Variants in FREM3 observed in about 807,000 individuals in gnomAD.
FREM3 encodes the protein FRAS1 related extracellular matrix 3, also known as FRAS1-related extracellular matrix protein 3.
FREM3 carries 105 observed loss-of-function variants against 129.1 expected under a neutral mutation model. That is an observed-to-expected ratio of 0.81 (90% CI 0.69 to 0.96). FREM3 has a LOEUF of 0.96. Among genes scored for constraint, FREM3 ranks in the 40% least tolerant of loss-of-function variants. FREM3 has a pLI of 0.00. For missense variants in FREM3, 2,593 were observed against 2,666.3 expected, an observed-to-expected ratio of 0.97 and a Z score of 0.61; for synonymous variants, 1,014 against 1,044.9, an observed-to-expected ratio of 0.97 and a Z score of 0.57.
At chr4:143,581,738 G>C (rs1738147303) in intron 7 of FREM3, among the ~76,000 whole-genome samples, 1 of 152,042 alleles carries the variant, frequency 6.6e-6, no homozygotes, top group African/African-American at 2.4e-5. Context: ...TCACCAGACA[G>C]GGCTCCTGGC....
At position 143,684,663 on chromosome 4, in the gene FREM3, G is replaced by T. The variant is rs1467089653; in HGVS notation, c.5275+8450C>A. On this transcript the variant is annotated intron_variant, in intron 2 of 7. Transcript: ENST00000329798. ...GGGTCCAAACCAAGAAGAAATCCCT[G>T]ATTTACCTGAAAACGAATTCAAGAG... Among the ~76,000 whole-genome samples, 5 of 152,152 alleles carry T rather than the reference G, an allele frequency of 3.3e-5. No homozygotes were observed. In the East Asian group the frequency reaches 9.6e-4, roughly 29 times the overall value.
At chr4:143,646,589 C>T (rs929565591) in intron 2 of FREM3, among the ~76,000 whole-genome samples, 8 of 152,176 alleles carry the variant, frequency 5.3e-5, no homozygotes, top group African/African-American at 1.9e-4. Flanking sequence ...TCAGCACTCA[C>T]TTCTCCTTCC....
At chr4:143,608,257 G>A (rs1254007051) in intron 6 of FREM3, among the ~76,000 whole-genome samples, 1 of 152,160 alleles carries the variant, frequency 6.6e-6, no homozygotes, top group African/African-American at 2.4e-5. Flanking sequence ...GGACTTGAAT[G>A]TCTGCTTTTT....
At chr4:143,677,321 G>T (rs2149857998) in intron 2 of FREM3, among the ~76,000 whole-genome samples, 1 of 152,312 alleles carries the variant, frequency 6.6e-6, no homozygotes, top group East Asian at 1.9e-4. Context: ...AAATGGTGCT[G>T]GGAAAACTGG....
intron 2 of FREM3, among the ~76,000 whole-genome samples, chr4:143,630,665 A>G (rs1739119362): frequency 6.6e-6 from 1 of 152,144 alleles, no homozygotes; most frequent in African/African-American, 2.4e-5. Context: ...CACCATATCA[A>G]TTCACTTTCT....
intron 2 of FREM3, among the ~76,000 whole-genome samples, chr4:143,662,650 T>G (rs531895751): frequency 2.0e-4 from 31 of 152,030 alleles, no homozygotes; most frequent in Non-Finnish European, 4.0e-4. Context: ...TTAACTTTCT[T>G]TCTCATTGAT....
Position 143,698,391 on chromosome 4 carries a change from AT to A in FREM3, c.2284del (p.Ile762LeufsTer19). Reference protein sequence around the residue: ...DGNHQVRAGEIVLTDSPDTLI... With the variant: ...DGNHQVRAGEXVLTDSPDTLI... ...TGTGTCTGGTGAATCAGTGAGCACA[AT>A]TTCTCCAGCCCGGACTTGGTGGTTG... On this transcript the variant is annotated frameshift_variant, in exon 1 of 8. Transcript: ENST00000329798. LOFTEE classifies it high-confidence loss of function. 1 of 1,537,646 alleles carries A rather than the reference AT, an allele frequency of 6.5e-7. No individual in the cohort carries two copies. Among genetic ancestry groups the A allele is most frequent in the South Asian group, 1.2e-5 (1 of 84,020 alleles).
At chr4:143,613,903 A>G (rs1219698601) in intron 5 of FREM3, among the ~76,000 whole-genome samples, 1 of 152,216 alleles carries the variant, frequency 6.6e-6, no homozygotes, top group Non-Finnish European at 1.5e-5. Context: ...CTTTCTCAAT[A>G]TATGTCACCT....
At chr4:143,619,668 C>A (rs1329172021) in intron 5 of FREM3, among the ~76,000 whole-genome samples, 3 of 152,144 alleles carry the variant, frequency 2.0e-5, no homozygotes, top group African/African-American at 7.2e-5. Context: ...CAGTGGAAAG[C>A]AGACTCATGC....
Position 143,693,044 on chromosome 4 carries a change from A to AT in FREM3, c.5275+68dup, listed in dbSNP as rs575432008. 403 of 766,180 alleles carry AT rather than the reference A, an allele frequency of 5.3e-4. 3 individuals carry two copies. The African/African-American group carries it at 6.0e-3, about 11-fold the overall frequency. The allele number at this position is 766,180 out of a possible 1,614,324, so 47.5% of individuals were successfully genotyped here. Reference sequence around the variant, plus strand: ...CCTATACTTGCCCAGAAATGATTTAATTTTTTTTCCAATTTTATGTTGATT... The same window carrying AT: ...CCTATACTTGCCCAGAAATGATTTAATTTTTTTTTCCAATTTTATGTTGATT... On this transcript the variant is annotated intron_variant, in intron 2 of 7. Transcript: ENST00000329798.
intron 2 of FREM3, among the ~76,000 whole-genome samples, chr4:143,657,823 C>G (rs1739629010): frequency 6.6e-6 from 1 of 152,048 alleles, no homozygotes; most frequent in Non-Finnish European, 1.5e-5. Context: ...GGAATAAGAA[C>G]TTCATACCCA....
At chr4:143,660,691 C>T (rs569029722) in intron 2 of FREM3, among the ~76,000 whole-genome samples, 6 of 152,132 alleles carry the variant, frequency 3.9e-5, no homozygotes, top group African/African-American at 7.2e-5. Context: ...GCCATTTTCA[C>T]GATATTGATT....
chr4:143,661,401 G>C (rs1739720590), intron 2 of FREM3, among the ~76,000 whole-genome samples: 1 of 151,784 alleles, frequency 6.6e-6, no homozygotes. Flanking sequence ...TTATTGATTT[G>C]CGTATATTGA....
intron 2 of FREM3, among the ~76,000 whole-genome samples, chr4:143,655,902 A>T (rs1021624101): frequency 6.6e-6 from 1 of 152,170 alleles, no homozygotes; most frequent in Non-Finnish European, 1.5e-5. Flanking sequence ...TATAAAAGTA[A>T]AACTCCTCAG....
Position 143,698,263 on chromosome 4 carries a change from G to C in FREM3, c.2413C>G (p.Gln805Glu). ...CTATTGCCTGCAGCATCTTCCACCT[G>C]GTAAGTAAACTGCACAACCCGTGGT... ...IAPRVVQFTY[Q>E]VEDAAGNSVP... The change falls in exon 1 of 8, where the codon CAG becomes GAG. Residue 805 changes from glutamine (Q) to glutamate (E), a missense_variant. This residue lies in a region of FREM3 where 2,276 missense variants were observed against 2,267.2 expected (regional missense o/e 1.00). Coordinates refer to ENST00000329798, the MANE Select transcript of FREM3 (RefSeq NM_001168235.2). 2.0e-6 allele frequency: 3 copies of C among 1,537,516 alleles called. No homozygotes were observed. The highest frequency in any genetic ancestry group is 4.9e-5 in the East Asian group (2 of 40,924).
chr4:143,670,891 G>T (rs1578861806), intron 2 of FREM3, among the ~76,000 whole-genome samples: 1 of 151,894 alleles, frequency 6.6e-6, no homozygotes, highest in African/African-American at 2.4e-5. Flanking sequence ...AAATTATAAT[G>T]AAAAAATAAG....
intron 2 of FREM3, among the ~76,000 whole-genome samples, chr4:143,685,263 C>T (rs757345948): frequency 6.6e-6 from 1 of 152,066 alleles, no homozygotes; most frequent in Non-Finnish European, 1.5e-5. Context: ...ACCAGGTAAC[C>T]TATAAAGAAA....
chr4:143,627,511 C>T, intron 3 of FREM3, 103 bp downstream of exon 3: 1 of 1,040,850 alleles, frequency 9.6e-7, no homozygotes, highest in East Asian at 2.6e-5. Context: ...TTTCTCCAAA[C>T]CAGTTCTTTA....
intron 2 of FREM3, among the ~76,000 whole-genome samples, chr4:143,649,747 C>A (rs1739478764): frequency 6.6e-6 from 1 of 152,114 alleles, no homozygotes; most frequent in Non-Finnish European, 1.5e-5. Context: ...AATGAGGCTC[C>A]ATGTACTTGC....
Sources: allele counts gnomAD v4.1 joint callset (sites outside exome capture counted in the v4.1 genomes callset), GRCh38; gene constraint gnomAD v4.1.1; regional missense constraint gnomAD v4.1.1; transcripts MANE v1.5; gene names NCBI Gene and HGNC (gene_info 2026-07-23, HGNC 2026-07-21).